LRRC4C: variants seen among roughly 807,000 people sequenced by gnomAD.
LRRC4C encodes the protein leucine rich repeat containing 4C.
In LRRC4C, 5 loss-of-function variants were observed where a neutral mutation model predicts 33.6. The ratio of observed to expected loss-of-function variants is 0.15; its 90% CI spans 0.08 to 0.31. The LOEUF (loss-of-function observed/expected upper bound fraction) is 0.31. Among genes scored for constraint, LRRC4C ranks in the 10% least tolerant of loss-of-function variants. The pLI is 1.00. For missense variants in LRRC4C, 560 were observed against 796.7 expected, an observed-to-expected ratio of 0.70 and a Z score of 3.58; for synonymous variants, 329 against 302.0, an observed-to-expected ratio of 1.09 and a Z score of -0.93.
At chr11:40,485,189 A>T (rs1407585989) in intron 3 of LRRC4C, among the ~76,000 whole-genome samples, 4 of 152,048 alleles carry the variant, frequency 2.6e-5, no homozygotes, top group Non-Finnish European at 4.4e-5. Flanking sequence ...TAATTTGAAC[A>T]TAAAAAACAT....
chr11:41,270,665 C>G (rs1270455745), intron 1 of LRRC4C, among the ~76,000 whole-genome samples: 1 of 152,160 alleles, frequency 6.6e-6, no homozygotes, highest in Non-Finnish European at 1.5e-5. Context: ...CTTCAGTCCT[C>G]AATTCCACCA....
intron 1 of LRRC4C, among the ~76,000 whole-genome samples, chr11:41,150,744 A>C (rs1211415725): frequency 6.6e-6 from 1 of 151,868 alleles, no homozygotes; most frequent in African/African-American, 2.4e-5. Flanking sequence ...AGCCGAGATC[A>C]TGCCACTGCA....
intron 1 of LRRC4C, among the ~76,000 whole-genome samples, chr11:40,968,776 C>A (rs973713258): frequency 1.3e-5 from 2 of 152,060 alleles, no homozygotes; most frequent in Non-Finnish European, 2.9e-5. Context: ...AAATGAATCC[C>A]TTCAAAATAT....
chr11:40,469,864 G>C (rs2138276361), intron 3 of LRRC4C, among the ~76,000 whole-genome samples: 1 of 152,316 alleles, frequency 6.6e-6, no homozygotes, highest in South Asian at 2.1e-4. Flanking sequence ...ATCCCTGAAA[G>C]AAAGGCAGCA....
At chr11:41,231,096 TTAAA>T in intron 1 of LRRC4C, among the ~76,000 whole-genome samples, 1 of 152,088 alleles carries the variant, frequency 6.6e-6, no homozygotes, top group South Asian at 2.1e-4. Context: ...ATGGCGATCA[TTAAA>T]TAGTCAGGAA....
At chr11:41,447,791 C>T (rs1955870718) in intron 1 of LRRC4C, among the ~76,000 whole-genome samples, 1 of 152,096 alleles carries the variant, frequency 6.6e-6, no homozygotes, top group African/African-American at 2.4e-5. Context: ...CAATGAACTG[C>T]CATTCATTCT....
At chr11:40,510,669 G>A (rs1272466702) in intron 3 of LRRC4C, among the ~76,000 whole-genome samples, 1 of 152,124 alleles carries the variant, frequency 6.6e-6, no homozygotes, top group Non-Finnish European at 1.5e-5. Flanking sequence ...TCTCAAATAA[G>A]CCTAAATAGC....
chr11:41,265,263 T>C (rs7129291), intron 1 of LRRC4C, among the ~76,000 whole-genome samples: 95,540 of 151,874 alleles, frequency 0.63, 31,111 homozygotes, highest in African/African-American at 0.8. Context: ...GTTATTCTGC[T>C]CACTCTGCAG....
chr11:40,969,273 T>A (rs1851557379), intron 1 of LRRC4C, among the ~76,000 whole-genome samples: 1 of 122,240 alleles, frequency 8.2e-6, no homozygotes, highest in South Asian at 2.7e-4. Context: ...GGTTAGGGAG[T>A]TGTTTCTTAT....
At chr11:41,017,855 T>C (rs918543937) in intron 1 of LRRC4C, among the ~76,000 whole-genome samples, 1 of 151,454 alleles carries the variant, frequency 6.6e-6, no homozygotes, top group African/African-American at 2.4e-5. Context: ...CTAAGAGAGC[T>C]ATATTAACTT....
At chr11:40,626,915 G>A (rs1215060704) in intron 3 of LRRC4C, among the ~76,000 whole-genome samples, 1 of 152,080 alleles carries the variant, frequency 6.6e-6, no homozygotes, top group Non-Finnish European at 1.5e-5. Context: ...TGATAATCCA[G>A]ATATCTTCTC....
chr11:40,874,055 T>A (rs1003741208), intron 2 of LRRC4C, among the ~76,000 whole-genome samples: 1 of 152,166 alleles, frequency 6.6e-6, no homozygotes, highest in Non-Finnish European at 1.5e-5. Context: ...ACAGGCCAAG[T>A]GGCCATTATT....
intron 1 of LRRC4C, among the ~76,000 whole-genome samples, chr11:41,197,200 C>G (rs779414395): frequency 6.6e-6 from 1 of 152,006 alleles, no homozygotes; most frequent in Non-Finnish European, 1.5e-5. Context: ...ATCCACAGAT[C>G]TCTATACCCA....
At chr11:41,245,250 G>A (rs185078231) in intron 1 of LRRC4C, among the ~76,000 whole-genome samples, 5 of 152,252 alleles carry the variant, frequency 3.3e-5, no homozygotes, top group East Asian at 3.9e-4. Context: ...AGTTTTGCTC[G>A]GCCTGCTGGG....
intron 2 of LRRC4C, among the ~76,000 whole-genome samples, chr11:40,837,974 A>G (rs1212756342): frequency 2.0e-5 from 3 of 152,208 alleles, no homozygotes; most frequent in Non-Finnish European, 4.4e-5. Flanking sequence ...TTATAACAAA[A>G]AATACCATTG....
intron 2 of LRRC4C, among the ~76,000 whole-genome samples, chr11:40,802,866 T>C (rs956885693): frequency 6.6e-6 from 1 of 152,220 alleles, no homozygotes; most frequent in African/African-American, 2.4e-5. Flanking sequence ...ACACTGACAT[T>C]GCCCATCACA....
intron 3 of LRRC4C, among the ~76,000 whole-genome samples, chr11:40,415,811 G>A (rs1950304907): frequency 6.6e-6 from 1 of 152,132 alleles, no homozygotes; most frequent in Non-Finnish European, 1.5e-5. Flanking sequence ...AAAGTAGAGA[G>A]TGTGGATAGA....
intron 3 of LRRC4C, among the ~76,000 whole-genome samples, chr11:40,384,964 CATT>C (rs762313052): frequency 6.6e-6 from 1 of 152,064 alleles, no homozygotes; most frequent in South Asian, 2.1e-4. Context: ...ATTTTTACTA[CATT>C]ATTTTGCATA....
intron 3 of LRRC4C, among the ~76,000 whole-genome samples, chr11:40,593,386 T>G (rs1959146025): frequency 6.6e-6 from 1 of 152,218 alleles, no homozygotes; most frequent in Non-Finnish European, 1.5e-5. Flanking sequence ...CATACACATG[T>G]GCACAATTTA....
Sources: allele counts gnomAD v4.1 joint callset (sites outside exome capture counted in the v4.1 genomes callset), GRCh38; gene constraint gnomAD v4.1.1; transcripts MANE v1.5; gene names NCBI Gene and HGNC (gene_info 2026-07-23, HGNC 2026-07-21).